The following NRXN3 variants were observed in gnomAD, a reference collection of about 807,000 sequenced individuals.
NRXN3 encodes the protein neurexin III.
A neutral mutation model predicts 137.6 loss-of-function variants in NRXN3; 32 were observed. The ratio of observed to expected loss-of-function variants is 0.23; its 90% CI spans 0.18 to 0.31. The LOEUF (loss-of-function observed/expected upper bound fraction) is 0.31. NRXN3 is among the 10% of genes least tolerant of loss of function. NRXN3 has a pLI of 1.00. For synonymous variants in NRXN3, 798 were observed against 784.5 expected (o/e 1.02, Z -0.29); for missense variants, 1,574 against 2,062.5 (o/e 0.76, Z 4.59).
intron 8 of NRXN3, among the ~76,000 whole-genome samples, chr14:78,788,503 G>A (rs932571631): frequency 6.6e-6 from 1 of 152,144 alleles, no homozygotes; most frequent in Non-Finnish European, 1.5e-5. Context: ...CATGGAAGAT[G>A]AAAGGAAAGG....
chr14:79,594,107 T>C (rs886211402), intron 16 of NRXN3, among the ~76,000 whole-genome samples: 1 of 152,238 alleles, frequency 6.6e-6, no homozygotes, highest in African/African-American at 2.4e-5. Context: ...TCCTACTGCC[T>C]TATCTGTTTT....
intron 4 of NRXN3, among the ~76,000 whole-genome samples, chr14:78,456,850 T>C (rs1567645031): frequency 3.0e-5 from 4 of 133,918 alleles, no homozygotes; most frequent in Admixed American, 2.3e-4. Flanking sequence ...TCTTTCTTTC[T>C]TTCTTTTTCT....
intron 4 of NRXN3, among the ~76,000 whole-genome samples, chr14:78,359,502 G>C (rs371885345): frequency 2.0e-5 from 3 of 152,076 alleles, no homozygotes; most frequent in African/African-American, 7.2e-5. Flanking sequence ...TTTTCCCTTT[G>C]TGCTGAGTCC....
intron 16 of NRXN3, among the ~76,000 whole-genome samples, chr14:79,546,669 A>G (rs2097323733): frequency 1.3e-5 from 2 of 152,200 alleles, no homozygotes; most frequent in Admixed American, 6.6e-5. Flanking sequence ...TACTGTCAAT[A>G]TGAGTCTCCC....
At chr14:78,349,399 C>T (rs2083178285) in intron 4 of NRXN3, among the ~76,000 whole-genome samples, 1 of 152,216 alleles carries the variant, frequency 6.6e-6, no homozygotes, top group African/African-American at 2.4e-5. Flanking sequence ...CCTTCAGTGC[C>T]TATTCCCATC....
chr14:79,654,458 G>A (rs7160930), intron 16 of NRXN3, among the ~76,000 whole-genome samples: 14,997 of 152,166 alleles, frequency 0.099, 2,492 homozygotes, highest in African/African-American at 0.34. Flanking sequence ...CTCTGTTGCA[G>A]CTACTCATGT....
At chr14:79,231,700 A>G (rs1407809036) in intron 15 of NRXN3, among the ~76,000 whole-genome samples, 1 of 152,208 alleles carries the variant, frequency 6.6e-6, no homozygotes, top group African/African-American at 2.4e-5. Flanking sequence ...AGCAAAAGGA[A>G]GAACATCTCA....
At chr14:78,272,550 G>C (rs1425534400) in intron 2 of NRXN3, among the ~76,000 whole-genome samples, 1 of 152,172 alleles carries the variant, frequency 6.6e-6, no homozygotes, top group Non-Finnish European at 1.5e-5. Flanking sequence ...ATATAGCCCA[G>C]GGCAGGGGCT....
At chr14:79,044,766 C>A (rs1172489337) in intron 15 of NRXN3, among the ~76,000 whole-genome samples, 3 of 151,712 alleles carry the variant, frequency 2.0e-5, no homozygotes, top group Non-Finnish European at 4.4e-5. Flanking sequence ...CTAATAAGCT[C>A]AGTGGTTCCA....
intron 4 of NRXN3, among the ~76,000 whole-genome samples, chr14:78,373,414 C>A (rs931074165): frequency 6.6e-6 from 1 of 152,206 alleles, no homozygotes; most frequent in Non-Finnish European, 1.5e-5. Context: ...AGCTGATATT[C>A]CACCTGTGTG....
rs149933460 is a variant in NRXN3, at chr14:78,372,472, C to T, written c.757+74612C>T. On this transcript the variant is annotated intron_variant, in intron 4 of 20. Transcript: ENST00000335750. ...CCTGAGTAGCTGGGATCACAGGCAC[C>T]CACCACCATGCCTGGCTAATTTTTT... Among the ~76,000 whole-genome samples the T allele has an allele frequency of 2.8e-3, 428 of 152,022 alleles. 3 individuals are homozygous for T. The highest frequency in any genetic ancestry group is 9.6e-3 in the African/African-American group (397 of 41,476).
intron 15 of NRXN3, among the ~76,000 whole-genome samples, chr14:79,394,895 G>T (rs776378510): frequency 6.6e-6 from 1 of 152,136 alleles, no homozygotes. Flanking sequence ...CTGGTAAATT[G>T]CTGAGCTGGG....
chr14:78,224,217 C>T (rs7154837), intron 1 of NRXN3, among the ~76,000 whole-genome samples: 62,681 of 150,786 alleles, frequency 0.42, 13,277 homozygotes, highest in African/African-American at 0.47. Context: ...AAGTTATCTC[C>T]TTATTAATAT....
rs34246142 is a variant in NRXN3 at position 78,385,290 on chromosome 14, AACACACACACACACACACAC to A, written c.757+87455_757+87474del. On this transcript the variant is annotated intron_variant, in intron 4 of 20. Transcript: ENST00000335750. ...TCTTCCTATTTTCTGAACTTTAAGC[AACACACACACACACACACAC>A]ACACACACACACACACACACACACG... Among the ~76,000 whole-genome samples the A allele has an allele frequency of 8.3e-3, 1,222 of 147,470 alleles. 40 individuals carry two copies. The East Asian group carries it at 0.086, about 10-fold the overall frequency.
intron 10 of NRXN3, among the ~76,000 whole-genome samples, chr14:78,845,712 G>C (rs1176069127): frequency 6.6e-6 from 1 of 151,990 alleles, no homozygotes; most frequent in African/African-American, 2.4e-5. Flanking sequence ...TTATATACTT[G>C]AGAGTATTCA....
At chr14:78,975,354 A>T (rs2099461222) in intron 14 of NRXN3, among the ~76,000 whole-genome samples, 1 of 152,192 alleles carries the variant, frequency 6.6e-6, no homozygotes, top group African/African-American at 2.4e-5. Flanking sequence ...TGGATGAACG[A>T]TGGAAGCACA....
intron 16 of NRXN3, among the ~76,000 whole-genome samples, chr14:79,567,377 C>G (rs1001602371): frequency 1.3e-5 from 2 of 151,898 alleles, no homozygotes; most frequent in African/African-American, 4.8e-5. Flanking sequence ...ACTGGACTTG[C>G]ATATGTTAAT....
chr14:78,431,839 A>G (rs951969772), intron 4 of NRXN3, among the ~76,000 whole-genome samples: 3 of 152,110 alleles, frequency 2.0e-5, no homozygotes, highest in African/African-American at 7.2e-5. Context: ...GAATTTTCTC[A>G]TTATTTTCTT....
chr14:78,505,250 CT>C (rs2095964890), intron 4 of NRXN3, among the ~76,000 whole-genome samples: 1 of 152,016 alleles, frequency 6.6e-6, no homozygotes, highest in African/African-American at 2.4e-5. Flanking sequence ...GAAAGATTTG[CT>C]TTGCTTTTGT....
Sources: allele counts gnomAD v4.1 joint callset (sites outside exome capture counted in the v4.1 genomes callset), GRCh38; gene constraint gnomAD v4.1.1; transcripts MANE v1.5; gene names NCBI Gene and HGNC (gene_info 2026-07-23, HGNC 2026-07-21).